ROBO2: variants seen among roughly 807,000 people sequenced by gnomAD.
ROBO2 encodes the protein roundabout guidance receptor 2, also known as roundabout homolog 2.
A neutral mutation model predicts 160.8 loss-of-function variants in ROBO2; 53 were observed. The observed-to-expected ratio is 0.33, with a 90% CI of 0.26 to 0.41. The LOEUF (loss-of-function observed/expected upper bound fraction) is 0.41. Ranked by LOEUF, ROBO2 falls within the 10% of genes least tolerant of loss-of-function variation. The pLI is 1.00. For synonymous variants in ROBO2, 664 were observed against 611.7 expected (o/e 1.09, Z -1.26); for missense variants, 1,577 against 1,722.4 (o/e 0.92, Z 1.49).
chr3:76,408,305 G>GT (rs1259266439), intron 2 of ROBO2, among the ~76,000 whole-genome samples: 1 of 151,978 alleles, frequency 6.6e-6, no homozygotes, highest in African/African-American at 2.4e-5. Context: ...GGCAGTTATG[G>GT]TTTTTTGCTA....
At chr3:76,927,514 G>A (rs911967446) in intron 2 of ROBO2, among the ~76,000 whole-genome samples, 3 of 152,104 alleles carry the variant, frequency 2.0e-5, no homozygotes, top group Admixed American at 6.5e-5. Context: ...GTGTTATTAG[G>A]ACAAAGTCTA....
chr3:77,394,607 G>T (rs1181174717), intron 2 of ROBO2, among the ~76,000 whole-genome samples: 1 of 152,066 alleles, frequency 6.6e-6, no homozygotes, highest in African/African-American at 2.4e-5. Flanking sequence ...AAGAATAAAT[G>T]ACTTTAGCTC....
chr3:77,469,959 A>G (rs967415999), intron 2 of ROBO2, among the ~76,000 whole-genome samples: 5 of 152,176 alleles, frequency 3.3e-5, no homozygotes, highest in African/African-American at 4.8e-5. Context: ...AAGACTTCAG[A>G]TGAGTGAGTC....
chr3:75,984,626 C>T (rs928605564), intron 2 of ROBO2, among the ~76,000 whole-genome samples: 1 of 151,190 alleles, frequency 6.6e-6, no homozygotes, highest in African/African-American at 2.4e-5. Context: ...TAAAAATAGC[C>T]AGTATTTTTC....
At chr3:76,640,484 T>C (rs1258082712) in intron 2 of ROBO2, among the ~76,000 whole-genome samples, 3 of 151,930 alleles carry the variant, frequency 2.0e-5, no homozygotes, top group African/African-American at 7.3e-5. Flanking sequence ...TGAGCCAAGA[T>C]GGGGCCTTGA....
intron 2 of ROBO2, among the ~76,000 whole-genome samples, chr3:77,388,194 C>T (rs565771248): frequency 6.6e-6 from 1 of 151,728 alleles, no homozygotes; most frequent in African/African-American, 2.4e-5. Context: ...TGTAAAGGTA[C>T]TATTTTGTTA....
chr3:77,556,261 C>T (rs1034341176), intron 8 of ROBO2, among the ~76,000 whole-genome samples: 2 of 151,600 alleles, frequency 1.3e-5, no homozygotes, highest in African/African-American at 4.8e-5. Context: ...ACAGATGTGC[C>T]AGAATTATTA....
At chr3:76,593,686 TA>T (rs376052061) in intron 2 of ROBO2, among the ~76,000 whole-genome samples, 451 of 152,178 alleles carry the variant, frequency 3.0e-3, no homozygotes, top group African/African-American at 0.01. Context: ...GAAACACTAG[TA>T]AAAATGTAGG....
At chr3:77,346,904 C>G (rs1411831776) in intron 2 of ROBO2, among the ~76,000 whole-genome samples, 1 of 152,132 alleles carries the variant, frequency 6.6e-6, no homozygotes, top group Non-Finnish European at 1.5e-5. Flanking sequence ...CTTAAGGGCC[C>G]ATGTTATTAG....
chr3:77,294,951 G>C (rs1560466581), intron 2 of ROBO2, among the ~76,000 whole-genome samples: 1 of 151,554 alleles, frequency 6.6e-6, no homozygotes. Context: ...GGTTAAACGA[G>C]TAAGCTGAGG....
chr3:77,591,137 A>G (rs775727), intron 17 of ROBO2, among the ~76,000 whole-genome samples: 114,754 of 152,042 alleles, frequency 0.75, 43,633 homozygotes, highest in African/African-American at 0.82. Flanking sequence ...TCTTAAAATC[A>G]TCAGTGAAAT....
intron 2 of ROBO2, among the ~76,000 whole-genome samples, chr3:76,557,956 TATC>T (rs1438798421): frequency 6.6e-6 from 1 of 151,898 alleles, no homozygotes; most frequent in Non-Finnish European, 1.5e-5. Flanking sequence ...TCAAAATAGT[TATC>T]ATGCGGATAA....
chr3:76,575,822 A>G (rs2085251535), intron 2 of ROBO2, among the ~76,000 whole-genome samples: 1 of 152,066 alleles, frequency 6.6e-6, no homozygotes, highest in South Asian at 2.1e-4. Flanking sequence ...AAAAGAGCTA[A>G]AGAAATTTAA....
intron 2 of ROBO2, among the ~76,000 whole-genome samples, chr3:76,336,631 T>C (rs1335217803): frequency 6.6e-6 from 1 of 152,222 alleles, no homozygotes; most frequent in African/African-American, 2.4e-5. Flanking sequence ...ATTAATTACT[T>C]GATTTGTGAA....
chr3:75,994,849 G>A (rs1246887733), intron 2 of ROBO2, among the ~76,000 whole-genome samples: 1 of 152,168 alleles, frequency 6.6e-6, no homozygotes, highest in Non-Finnish European at 1.5e-5. Context: ...TGTCCAAAAT[G>A]TTGATAGCAA....
At chr3:76,854,193 A>G (rs1222170399) in intron 2 of ROBO2, among the ~76,000 whole-genome samples, 1 of 152,026 alleles carries the variant, frequency 6.6e-6, no homozygotes, top group Admixed American at 6.6e-5. Flanking sequence ...TTTTAGAAAT[A>G]ATTCATTCTT....
At chr3:76,321,194 A>G (rs559434599) in intron 2 of ROBO2, among the ~76,000 whole-genome samples, 2 of 152,160 alleles carry the variant, frequency 1.3e-5, no homozygotes, top group African/African-American at 2.4e-5. Context: ...TCAAACAATG[A>G]TAACTGCAAA....
chr3:76,132,745 G>A (rs1576992270), intron 2 of ROBO2, among the ~76,000 whole-genome samples: 1 of 152,116 alleles, frequency 6.6e-6, no homozygotes. Context: ...TGTGAAATGA[G>A]AAGCCACAAA....
At chr3:77,572,088 A>T (rs1209915226) in intron 13 of ROBO2, among the ~76,000 whole-genome samples, 1 of 152,050 alleles carries the variant, frequency 6.6e-6, no homozygotes, top group African/African-American at 2.4e-5. Flanking sequence ...CCAAACATGG[A>T]TAAAACCAAT....
Sources: gnomAD v4.1 joint callset for allele counts (sites outside exome capture counted in the v4.1 genomes callset) on GRCh38, gnomAD v4.1.1 for gene constraint, MANE v1.5 for transcripts, NCBI Gene and HGNC (gene_info 2026-07-23, HGNC 2026-07-21) for gene names.